The following FOCAD variants were observed in gnomAD, a reference collection of about 807,000 sequenced individuals.
The protein encoded by FOCAD is focadhesin.
A neutral mutation model predicts 225.6 loss-of-function variants in FOCAD; 198 were observed. The observed-to-expected ratio is 0.88, with a 90% CI of 0.78 to 0.99. FOCAD has a LOEUF of 0.99. Among genes scored for constraint, FOCAD ranks in the 50% least tolerant of loss-of-function variants. The pLI, the probability that FOCAD is intolerant of heterozygous loss-of-function variation, is 0.00. For missense variants in FOCAD, 2,713 were observed against 2,123.6 expected, an observed-to-expected ratio of 1.28 and a Z score of -5.46; for synonymous variants, 897 against 755.0, an observed-to-expected ratio of 1.19 and a Z score of -3.08.
At chr9:20,773,045 G>A (rs1818395350) in intron 8 of FOCAD, among the ~76,000 whole-genome samples, 2 of 151,864 alleles carry the variant, frequency 1.3e-5, no homozygotes. Context: ...GTATTATGTA[G>A]ATAAATTGCC....
At chr9:20,738,171 A>G (rs1034036474) in intron 4 of FOCAD, among the ~76,000 whole-genome samples, 2 of 152,344 alleles carry the variant, frequency 1.3e-5, no homozygotes, top group East Asian at 3.9e-4. Flanking sequence ...GAGTCTAGAA[A>G]TTCAGTGTCA....
At chr9:20,693,238 C>T (rs1823084405) in intron 1 of FOCAD, among the ~76,000 whole-genome samples, 1 of 152,178 alleles carries the variant, frequency 6.6e-6, no homozygotes, top group South Asian at 2.1e-4. Context: ...ATGCTTTCAC[C>T]ATGGCATTGG....
At chr9:20,967,691 G>C (rs959714776) in intron 35 of FOCAD, among the ~76,000 whole-genome samples, 2 of 152,162 alleles carry the variant, frequency 1.3e-5, no homozygotes, top group Middle Eastern at 3.4e-3. Context: ...TATCGGAAAA[G>C]GGTGTTTGTC....
intron 15 of FOCAD, among the ~76,000 whole-genome samples, chr9:20,824,850 C>T (rs534129559): frequency 6.6e-6 from 1 of 152,142 alleles, no homozygotes; most frequent in East Asian, 1.9e-4. Context: ...TGTTTTTCGT[C>T]TGTTCATTCT....
intron 15 of FOCAD, among the ~76,000 whole-genome samples, chr9:20,825,432 A>G (rs1020381950): frequency 2.0e-5 from 3 of 152,114 alleles, no homozygotes; most frequent in Non-Finnish European, 4.4e-5. Context: ...CAGCATAGTT[A>G]TAAATCCATT....
At chr9:20,969,051 T>C (rs979524460) in intron 35 of FOCAD, among the ~76,000 whole-genome samples, 3 of 152,222 alleles carry the variant, frequency 2.0e-5, no homozygotes, top group African/African-American at 7.2e-5. Flanking sequence ...GAATATCTTT[T>C]TTACTTTCCA....
intron 7 of FOCAD, among the ~76,000 whole-genome samples, chr9:20,767,187 G>A (rs1360904616): frequency 1.3e-5 from 2 of 150,954 alleles, no homozygotes; most frequent in African/African-American, 4.9e-5. Context: ...GTATTCCATG[G>A]TGTATATGTG....
intron 42 of FOCAD, 132 bp downstream of exon 42, chr9:20,990,506 T>A: frequency 8.9e-7 from 1 of 1,119,454 alleles, no homozygotes; most frequent in Non-Finnish European, 1.2e-6. Flanking sequence ...GCCCCATATC[T>A]CAGCCAGATG....
At chr9:20,798,745 T>C (rs1345776883) in intron 11 of FOCAD, among the ~76,000 whole-genome samples, 2 of 152,170 alleles carry the variant, frequency 1.3e-5, no homozygotes, top group East Asian at 1.9e-4. Context: ...TCTTTTCTTC[T>C]TTATTAATCT....
upstream of FOCAD, among the ~76,000 whole-genome samples, chr9:20,657,148 C>T (rs950626477): frequency 3.0e-4 from 45 of 152,260 alleles, no homozygotes; most frequent in African/African-American, 1.0e-3. Context: ...GAGAGATCCG[C>T]TGTTAGTCTG....
intron 19 of FOCAD, among the ~76,000 whole-genome samples, chr9:20,877,571 C>T (rs78565959): frequency 0.023 from 3,458 of 152,186 alleles, 135 homozygotes; most frequent in African/African-American, 0.079. Flanking sequence ...AAACAAATAG[C>T]CCTCAAAACA....
intron 22 of FOCAD, among the ~76,000 whole-genome samples, chr9:20,908,670 A>G (rs1465859395): frequency 6.6e-6 from 1 of 152,110 alleles, no homozygotes; most frequent in Non-Finnish European, 1.5e-5. Flanking sequence ...GGCACCCAGC[A>G]TGTTTTGGAT....
chr9:20,712,757 G>T (rs953208025), intron 1 of FOCAD, among the ~76,000 whole-genome samples: 4 of 88,014 alleles, frequency 4.5e-5, no homozygotes, highest in African/African-American at 1.4e-4. Flanking sequence ...TTTTTTGACA[G>T]AATCTCACTC....
intron 15 of FOCAD, among the ~76,000 whole-genome samples, chr9:20,858,395 C>T (rs914486451): frequency 1.3e-5 from 2 of 152,060 alleles, no homozygotes; most frequent in Non-Finnish European, 2.9e-5. Flanking sequence ...TCATAATCTT[C>T]TCTAATGATC....
chr9:20,656,999 C>T (rs902748728), upstream of FOCAD, among the ~76,000 whole-genome samples: 511 of 151,980 alleles, frequency 3.4e-3, 4 homozygotes, highest in African/African-American at 0.012. Flanking sequence ...TCAGCATTTG[C>T]TTGTCTGTAA....
At chr9:20,893,963 A>G (rs569332235) in intron 21 of FOCAD, among the ~76,000 whole-genome samples, 1 of 152,218 alleles carries the variant, frequency 6.6e-6, no homozygotes, top group Admixed American at 6.6e-5. Context: ...GCATGCATAT[A>G]ATCATATAAT....
chr9:20,759,057 C>A (rs1031316583), intron 6 of FOCAD, among the ~76,000 whole-genome samples: 1 of 152,052 alleles, frequency 6.6e-6, no homozygotes, highest in Admixed American at 6.6e-5. Context: ...ATCCAACTTA[C>A]AAGGGATATG....
chr9:20,707,608 G>C (rs1327057036), intron 1 of FOCAD, among the ~76,000 whole-genome samples: 1 of 152,116 alleles, frequency 6.6e-6, no homozygotes, highest in Non-Finnish European at 1.5e-5. Flanking sequence ...AAATCATAAA[G>C]AAGAGAACTT....
intron 5 of FOCAD, among the ~76,000 whole-genome samples, chr9:20,742,739 C>T (rs753347775): frequency 1.3e-5 from 2 of 152,146 alleles, no homozygotes; most frequent in Admixed American, 1.3e-4. Context: ...TAATGTTTGA[C>T]CTTTTAATTC....
Sources: gnomAD v4.1 joint callset for allele counts (sites outside exome capture counted in the v4.1 genomes callset) on GRCh38, gnomAD v4.1.1 for gene constraint, MANE v1.5 for transcripts, NCBI Gene and HGNC (gene_info 2026-07-23, HGNC 2026-07-21) for gene names.